The following ZNF407 variants were observed in gnomAD, a reference collection of about 807,000 sequenced individuals.
The protein encoded by ZNF407 is zinc finger protein 407.
Under a neutral mutation model 131.2 loss-of-function variants are expected in ZNF407, and 17 were observed. The observed-to-expected ratio is 0.13, with a 90% confidence interval of 0.09 to 0.19. The LOEUF is 0.19. Ranked by LOEUF, ZNF407 falls within the 10% of genes least tolerant of loss-of-function variation. ZNF407 has a pLI of 1.00. For synonymous variants in ZNF407, 1,156 were observed against 1,062.0 expected (o/e 1.09, Z -1.72); for missense variants, 2,681 against 2,830.6 (o/e 0.95, Z 1.20).
chr18:74,898,890 TGGTTGACA>T lies in ZNF407; in HGVS notation c.5249+8853_5249+8860del, dbSNP rs1273044406. 2.0e-4 allele frequency among the ~76,000 whole-genome samples: 30 copies of T among 152,346 alleles called. 1 individual carries two copies. In the East Asian group the frequency reaches 5.4e-3, roughly 27 times the overall value. On this transcript the variant is annotated intron_variant, in intron 7 of 8. Coordinates refer to ENST00000299687, the MANE Select transcript of ZNF407 (RefSeq NM_017757.3). The stretch of plus-strand genomic sequence containing the variant: ...GGATTGAAGTGTCTGGGGGGAAAAG[TGGTTGACA>T]TTTGAATTTCATAAATTTGTTCCAA...
intron 8 of ZNF407, among the ~76,000 whole-genome samples, chr18:75,027,401 A>G (rs1746079296): frequency 6.6e-6 from 1 of 152,216 alleles, no homozygotes; most frequent in Admixed American, 6.5e-5. Context: ...AGGTAGAATT[A>G]GGAGACTAGT....
intron 3 of ZNF407, among the ~76,000 whole-genome samples, chr18:74,723,932 G>T (rs1968096833): frequency 7.0e-6 from 1 of 142,824 alleles, no homozygotes; most frequent in African/African-American, 2.6e-5. Context: ...AGCTCTTCTG[G>T]TGTGGGGCGG....
intron 8 of ZNF407, among the ~76,000 whole-genome samples, chr18:74,965,439 C>G (rs1009048466): frequency 6.6e-6 from 1 of 152,140 alleles, no homozygotes; most frequent in Non-Finnish European, 1.5e-5. Context: ...GCTTATTTCA[C>G]TTAACATAAT....
Position 74,634,039 on chromosome 18 carries a change from C to G in ZNF407, c.3020C>G (p.Ser1007Cys). ...EDFAQPGDVY[S>C]QRDVTGTGEN... ...TTCGCCCAGCCGGGGGATGTGTACT[C>G]CCAGAGAGATGTTACAGGCACAGGT... is the stretch of plus-strand genomic sequence containing the variant. The change falls in exon 2 of 9, where the codon TCC becomes TGC. Residue 1007 changes from serine (S) to cysteine (C), a missense_variant. By Grantham distance (112) the Ser-to-Cys change is moderately radical (BLOSUM62 -1). Coordinates refer to ENST00000299687, the MANE Select transcript of ZNF407 (RefSeq NM_017757.3). The G allele has an allele frequency of 6.2e-7, 1 of 1,614,028 alleles. No individual in the cohort carries two copies. Among genetic ancestry groups the G allele is most frequent in the East Asian group, 2.2e-5 (1 of 44,882 alleles).
At chr18:75,043,766 T>C (rs2122245194) in intron 8 of ZNF407, among the ~76,000 whole-genome samples, 1 of 152,350 alleles carries the variant, frequency 6.6e-6, no homozygotes, top group East Asian at 1.9e-4. Flanking sequence ...TTATCCACAG[T>C]ACTGATAAAA....
intron 8 of ZNF407, among the ~76,000 whole-genome samples, chr18:74,960,004 A>G (rs974676547): frequency 2.0e-5 from 3 of 152,230 alleles, no homozygotes; most frequent in Non-Finnish European, 4.4e-5. Flanking sequence ...AGTTACTAAT[A>G]TCACAAGTGC....
intron 8 of ZNF407, among the ~76,000 whole-genome samples, chr18:74,945,963 C>G (rs1420564375): frequency 6.6e-6 from 1 of 152,196 alleles, no homozygotes; most frequent in Non-Finnish European, 1.5e-5. Flanking sequence ...TGACAGGCCT[C>G]CGTAACGCTG....
chr18:75,052,383 G>C (rs1169551111), intron 8 of ZNF407, among the ~76,000 whole-genome samples: 3 of 151,808 alleles, frequency 2.0e-5, no homozygotes, highest in Non-Finnish European at 4.4e-5. Context: ...TTGAACCACA[G>C]CAAAAAAAAC....
At chr18:74,775,349 A>G (rs1969446517) in intron 3 of ZNF407, among the ~76,000 whole-genome samples, 1 of 152,228 alleles carries the variant, frequency 6.6e-6, no homozygotes, top group Non-Finnish European at 1.5e-5. Context: ...AGCTGGATAC[A>G]ATGTTTAGAT....
intron 3 of ZNF407, among the ~76,000 whole-genome samples, chr18:74,672,573 A>C (rs530027): frequency 6.8e-6 from 1 of 147,290 alleles, no homozygotes; most frequent in African/African-American, 2.5e-5. Context: ...CTGTTTGTTC[A>C]TTGGAGCACT....
At chr18:74,852,205 A>ACG (rs1244166114) in intron 4 of ZNF407, among the ~76,000 whole-genome samples, 4 of 149,842 alleles carry the variant, frequency 2.7e-5, no homozygotes, top group South Asian at 4.3e-4. Context: ...ACACGCACGC[A>ACG]CGCACGCGCA....
At chr18:74,870,171 CT>C (rs1971067204) in intron 4 of ZNF407, among the ~76,000 whole-genome samples, 1 of 152,122 alleles carries the variant, frequency 6.6e-6, no homozygotes, top group African/African-American at 2.4e-5. Context: ...TGACAAAAAG[CT>C]TTTTAACCCT....
chr18:75,050,500 C>G (rs1973487611), intron 8 of ZNF407, among the ~76,000 whole-genome samples: 1 of 152,164 alleles, frequency 6.6e-6, no homozygotes, highest in South Asian at 2.1e-4. Flanking sequence ...GCCAAAGGGT[C>G]AGCATCTGAC....
At chr18:74,925,802 T>C (rs189933433) in intron 8 of ZNF407, among the ~76,000 whole-genome samples, 42 of 152,362 alleles carry the variant, frequency 2.8e-4, no homozygotes, top group Non-Finnish European at 5.3e-4. Context: ...CCTGACATGA[T>C]TGCCTTTGGT....
intron 3 of ZNF407, among the ~76,000 whole-genome samples, chr18:74,750,227 T>G (rs1056775757): frequency 6.6e-6 from 1 of 152,208 alleles, no homozygotes; most frequent in Non-Finnish European, 1.5e-5. Flanking sequence ...CTTACCTACA[T>G]TATCATCTTG....
At chr18:75,042,889 C>T (rs1011037397) in intron 8 of ZNF407, among the ~76,000 whole-genome samples, 11 of 152,212 alleles carry the variant, frequency 7.2e-5, no homozygotes, top group Admixed American at 3.3e-4. Flanking sequence ...ATGTTCCCTC[C>T]TGTCACCAAG....
intron 3 of ZNF407, among the ~76,000 whole-genome samples, chr18:74,754,625 G>A (rs1470928117): frequency 1.3e-5 from 2 of 152,170 alleles, no homozygotes; most frequent in African/African-American, 4.8e-5. Context: ...TCATTCAGGA[G>A]CAGGTTGTTC....
At chr18:74,939,627 A>T (rs1484208285) in intron 8 of ZNF407, among the ~76,000 whole-genome samples, 1 of 152,244 alleles carries the variant, frequency 6.6e-6, no homozygotes, top group African/African-American at 2.4e-5. Context: ...CAATCGACAG[A>T]AATCTAAAAG....
intron 8 of ZNF407, among the ~76,000 whole-genome samples, chr18:74,940,999 T>A (rs960181353): frequency 6.6e-6 from 1 of 152,158 alleles, no homozygotes; most frequent in African/African-American, 2.4e-5. Flanking sequence ...ATCCCCTTTG[T>A]TAGCTCGGGG....
Sources: allele counts gnomAD v4.1 joint callset (sites outside exome capture counted in the v4.1 genomes callset), GRCh38; gene constraint gnomAD v4.1.1; transcripts MANE v1.5; gene names NCBI Gene and HGNC (gene_info 2026-07-23, HGNC 2026-07-21).